Variants in NHLRC2 observed in about 807,000 individuals in gnomAD.
NHLRC2 encodes the protein NHL repeat containing 2.
Under a neutral mutation model 68.1 loss-of-function variants are expected in NHLRC2, and 33 were observed. The ratio of observed to expected loss-of-function variants is 0.48; its 90% CI spans 0.37 to 0.65. The LOEUF (loss-of-function observed/expected upper bound fraction) is 0.65. NHLRC2 is among the 30% of genes least tolerant of loss of function. NHLRC2 has a pLI of 0.00. For missense variants in NHLRC2, 761 were observed against 853.8 expected, an observed-to-expected ratio of 0.89 and a Z score of 1.35; for synonymous variants, 311 against 309.6, an observed-to-expected ratio of 1.00 and a Z score of -0.05.
chr10:113,875,268 C>T (rs1291446140), intron 2 of NHLRC2, among the ~76,000 whole-genome samples: 1 of 152,084 alleles, frequency 6.6e-6, no homozygotes, highest in Non-Finnish European at 1.5e-5. Context: ...GCTCTCGCTC[C>T]TTCTGTAAAC....
Position 113,855,084 on chromosome 10 carries a change from C to T in NHLRC2, c.178+34C>T, listed in dbSNP as rs1457872930. ...CTGGCGTCGGGGTGGGGGCCCCTCC[C>T]GGCACCTCCCCTTCCTCGGGGACGG... On this transcript the variant is annotated intron_variant, in intron 1 of 10. Coordinates refer to ENST00000369301, the MANE Select transcript of NHLRC2 (RefSeq NM_198514.4). 3.3e-6 allele frequency: 5 copies of T among 1,526,914 alleles called. No individual in the cohort carries two copies. The Admixed American group carries it at 5.9e-5, about 18-fold the overall frequency. The allele number at this position is 1,526,914 out of a possible 1,614,324, so 94.6% of individuals were successfully genotyped here.
chr10:113,913,847 G>GTTTTTTT lies in NHLRC2; in HGVS notation c.*5323_*5329dup, dbSNP rs1166883832. 7 of 121,528 alleles carry GTTTTTTT rather than the reference G, an allele frequency of 5.8e-5. No individual in the cohort carries two copies. The highest frequency in any genetic ancestry group is 1.5e-4 in the African/African-American group (5 of 32,396). The allele number at this position is 121,528 out of a possible 1,614,324, so 7.5% of individuals were successfully genotyped here. On this transcript the variant is annotated 3_prime_UTR_variant, in exon 11 of 11. Coordinates refer to ENST00000369301, the MANE Select transcript of NHLRC2 (RefSeq NM_198514.4). ...AGGTACTTTTTGTTGTTGTTGTTTT[G>GTTTTTTT]TTTTTTTTTTTTTTTTTTGAGATGG...
intron 5 of NHLRC2, 54 bp from the exon 6 acceptor site, chr10:113,898,056 A>T (rs1846191271): frequency 1.0e-6 from 1 of 978,232 alleles, no homozygotes; most frequent in African/African-American, 1.6e-5. Context: ...AAACCATTGG[A>T]GTGTTTGTAT....
In NHLRC2 at chr10:113,915,364, T is replaced by C. The variant is rs1299281178; in HGVS notation, c.*6828T>C. ...TTCTTGTAACTGTCAGGGCATGGTA[T>C]GAATTCCTTCCTCTTTAAGCAGCAA... On this transcript the variant is annotated 3_prime_UTR_variant, in exon 11 of 11. Coordinates refer to ENST00000369301, the MANE Select transcript of NHLRC2 (RefSeq NM_198514.4). The C allele has an allele frequency of 2.6e-6, 1 of 391,148 alleles. No homozygotes were observed. The highest frequency in any genetic ancestry group is 7.2e-5 in the East Asian group (1 of 13,972). 24.2% of individuals were successfully genotyped at this position (391,148 alleles called of 1,614,324 possible).
intron 2 of NHLRC2, among the ~76,000 whole-genome samples, chr10:113,868,074 G>A (rs1295891666): frequency 6.6e-6 from 1 of 152,038 alleles, no homozygotes; most frequent in Non-Finnish European, 1.5e-5. Context: ...CGGCAGCCAC[G>A]ACCTCCTGGG....
intron 3 of NHLRC2, among the ~76,000 whole-genome samples, chr10:113,879,081 C>CA (rs1181589844): frequency 6.6e-6 from 1 of 152,152 alleles, no homozygotes; most frequent in Non-Finnish European, 1.5e-5. Context: ...GACTTTCTGA[C>CA]AAAGTGAAAT....
chr10:113,875,635 G>A (rs1845972517), intron 2 of NHLRC2, among the ~76,000 whole-genome samples: 1 of 152,180 alleles, frequency 6.6e-6, no homozygotes, highest in Admixed American at 6.5e-5. Context: ...TGGCCCTGCT[G>A]TACAATCTAT....
rs534405742 is a variant in NHLRC2 at position 113,868,533 on chromosome 10, T to C, written c.332-7988T>C. ...GATCTCCTATTTGGACAATATGATATGGTTTATTATACAGATTTATAAATT... is the reference window on the plus strand; with the variant it reads ...GATCTCCTATTTGGACAATATGATACGGTTTATTATACAGATTTATAAATT... On this transcript the variant is annotated intron_variant, in intron 2 of 10. Transcript: ENST00000369301. Among the ~76,000 whole-genome samples, 413 of 152,344 alleles carry C rather than the reference T, an allele frequency of 2.7e-3. 2 individuals carry two copies. The highest frequency in any genetic ancestry group is 9.7e-3 in the African/African-American group (402 of 41,588).
chr10:113,878,283 G>A (rs1846003582), intron 3 of NHLRC2, among the ~76,000 whole-genome samples: 1 of 151,562 alleles, frequency 6.6e-6, no homozygotes. Context: ...TTTTTTTCAG[G>A]GAACTCTTAT....
intron 9 of NHLRC2, 81 bp from the exon 10 acceptor site, chr10:113,904,736 A>C: frequency 9.7e-7 from 1 of 1,027,346 alleles, no homozygotes. Flanking sequence ...TCATTATTCT[A>C]CTAAAGTCTA....
chr10:113,873,231 A>C (rs1564852292), intron 2 of NHLRC2, among the ~76,000 whole-genome samples: 1 of 152,174 alleles, frequency 6.6e-6, no homozygotes, highest in Non-Finnish European at 1.5e-5. Context: ...TGAATGTCCC[A>C]AAACTCAGAG....
chr10:113,909,043 A>T lies in NHLRC2; in HGVS notation c.*507A>T, dbSNP rs1161258109. 1 of 154,894 alleles carries T rather than the reference A, an allele frequency of 6.5e-6. No homozygotes were observed. The highest frequency in any genetic ancestry group is 2.4e-5 in the African/African-American group (1 of 41,446). The allele number at this position is 154,894 out of a possible 1,614,324, so 9.6% of individuals were successfully genotyped here. The stretch of plus-strand genomic sequence containing the variant: ...TAAGCCAAAAAAAAGTCTTTTCATC[A>T]CTGTAGAAGCTTAAGGAGTACATCA... On this transcript the variant is annotated 3_prime_UTR_variant, in exon 11 of 11. Transcript: ENST00000369301.
intron 2 of NHLRC2, among the ~76,000 whole-genome samples, chr10:113,871,133 T>TC (rs1248081267): frequency 5.4e-5 from 8 of 149,154 alleles, no homozygotes; most frequent in African/African-American, 2.0e-4. Flanking sequence ...CAAGCAATTC[T>TC]CCTGCCTCAG....
At chr10:113,880,184 C>T (rs528100038) in intron 4 of NHLRC2, among the ~76,000 whole-genome samples, 16 of 151,932 alleles carry the variant, frequency 1.1e-4, no homozygotes, top group Middle Eastern at 3.4e-3. Context: ...AAAAAAGTCC[C>T]CTGACCATCA....
intron 5 of NHLRC2, among the ~76,000 whole-genome samples, chr10:113,895,012 G>T (rs1170690611): frequency 2.0e-5 from 3 of 152,052 alleles, no homozygotes; most frequent in African/African-American, 7.2e-5. Flanking sequence ...TAGTCATTAT[G>T]TAAGTGATCT....
Position 113,909,779 on chromosome 10 carries a change from A to G in NHLRC2, c.*1243A>G, listed in dbSNP as rs923336693. 6.6e-6 allele frequency: 1 copy of G among 152,176 alleles called. No homozygotes were observed. The highest frequency in any genetic ancestry group is 1.5e-5 in the Non-Finnish European group (1 of 68,008). The allele number at this position is 152,176 out of a possible 1,614,324, so 9.4% of individuals were successfully genotyped here. A position where few individuals can be genotyped will look rare whatever the true frequency, so the allele number is the denominator to read the frequency against. On this transcript the variant is annotated 3_prime_UTR_variant, in exon 11 of 11. Coordinates refer to ENST00000369301, the MANE Select transcript of NHLRC2 (RefSeq NM_198514.4). Reference sequence around the variant, plus strand: ...TATTCAACATGTTTGTGATTTAATCAGCTTACAAGGGTTTAAAAACATCAG... The same window carrying G: ...TATTCAACATGTTTGTGATTTAATCGGCTTACAAGGGTTTAAAAACATCAG...
chr10:113,885,826 ATAAAGT>A (rs1473268215), intron 5 of NHLRC2, among the ~76,000 whole-genome samples: 2 of 152,078 alleles, frequency 1.3e-5, no homozygotes, highest in Non-Finnish European at 2.9e-5. Context: ...TTCAGACATA[ATAAAGT>A]TAAAAAGTAA....
At chr10:113,904,443 C>G (rs1301901812) in intron 9 of NHLRC2, among the ~76,000 whole-genome samples, 2 of 152,130 alleles carry the variant, frequency 1.3e-5, no homozygotes, top group Admixed American at 1.3e-4. Flanking sequence ...CATTTCTCTT[C>G]ACGTAGATCT....
intron 4 of NHLRC2, among the ~76,000 whole-genome samples, chr10:113,881,743 T>G (rs1846037699): frequency 6.6e-6 from 1 of 151,772 alleles, no homozygotes; most frequent in Non-Finnish European, 1.5e-5. Context: ...CCATTGCAAA[T>G]CTATAATTCA....
Sources: allele counts gnomAD v4.1 joint callset (sites outside exome capture counted in the v4.1 genomes callset), GRCh38; gene constraint gnomAD v4.1.1; transcripts MANE v1.5; gene names NCBI Gene and HGNC (gene_info 2026-07-23, HGNC 2026-07-21).